The following TAF3 variants were observed in gnomAD, a reference collection of about 807,000 sequenced individuals.
The protein encoded by TAF3 is TATA-box binding protein associated factor 3, also known as transcription initiation factor TFIID subunit 3.
In TAF3, 7 loss-of-function variants were observed where a neutral mutation model predicts 80.6. The observed-to-expected ratio is 0.09, with a 90% CI of 0.05 to 0.16. The LOEUF (loss-of-function observed/expected upper bound fraction) is 0.16. Ranked by LOEUF, TAF3 falls within the 10% of genes least tolerant of loss-of-function variation. The pLI, the probability that TAF3 is intolerant of heterozygous loss-of-function variation, is 1.00. For missense variants in TAF3, 921 were observed against 1,140.2 expected (o/e 0.81, Z 2.77); for synonymous variants, 444 against 446.1 (o/e 1.00, Z 0.06).
At chr10:7,982,515 A>G (rs528711146) in intron 4 of TAF3, among the ~76,000 whole-genome samples, 3 of 151,966 alleles carry the variant, frequency 2.0e-5, no homozygotes, top group Non-Finnish European at 4.4e-5. Context: ...TCTCCGGCCT[A>G]AGCCTCCCAG....
At chr10:7,878,761 C>T (rs1837333519) in intron 2 of TAF3, among the ~76,000 whole-genome samples, 1 of 151,842 alleles carries the variant, frequency 6.6e-6, no homozygotes, top group African/African-American at 2.4e-5. Context: ...CAGAGTCTTG[C>T]TCTGTTGCTC....
At chr10:7,976,140 T>G (rs909669522) in intron 3 of TAF3, among the ~76,000 whole-genome samples, 2 of 152,228 alleles carry the variant, frequency 1.3e-5, no homozygotes, top group African/African-American at 4.8e-5. Flanking sequence ...TGTTCTCTTC[T>G]GACGAACAGG....
intron 2 of TAF3, among the ~76,000 whole-genome samples, chr10:7,928,978 A>G (rs1837841955): frequency 6.6e-6 from 1 of 152,178 alleles, no homozygotes; most frequent in Admixed American, 6.6e-5. Flanking sequence ...TACTGTTAGA[A>G]CTGGAGTCTT....
In TAF3 at chr10:7,824,355, A is replaced by C. The variant is rs768940315; in HGVS notation, c.204A>C (p.Glu68Asp). 1.2e-6 allele frequency: 2 copies of C among 1,614,066 alleles called. No homozygotes were observed. The highest frequency in any genetic ancestry group is 2.2e-5 in the East Asian group (1 of 44,878). The stretch of plus-strand genomic sequence containing the variant: ...ACCCAATTTTGGATGATGTTGGTGA[A>C]GCTTTCCAGCTGATGGGGGTTAGTC... ...RTDPILDDVGEAFQLMGVSLH... is the reference protein window; with the variant it reads ...RTDPILDDVGDAFQLMGVSLH... The change falls in exon 2 of 7, where the codon GAA becomes GAC. Residue 68 changes from glutamate to aspartate, a missense_variant. Physicochemically the swap from Glu to Asp is conservative, Grantham distance 45. This residue lies in a region of TAF3 where 106 missense variants were observed against 191.8 expected (regional missense o/e 0.55). Transcript: ENST00000344293.
At position 7,863,626 on chromosome 10, in the gene TAF3, A is replaced by ATATAT. The variant is rs1554778359; in HGVS notation, c.409+39066_409+39067insTATAT. Among the ~76,000 whole-genome samples, 104 of 48,088 alleles carry ATATAT rather than the reference A, an allele frequency of 2.2e-3. 10 individuals are homozygous for ATATAT. Among genetic ancestry groups the ATATAT allele is most frequent in the South Asian group, 0.013 (13 of 1,034 alleles). 31.5% of individuals were successfully genotyped at this position (48,088 alleles called of 152,430 possible). On this transcript the variant is annotated intron_variant, in intron 2 of 6. Coordinates refer to ENST00000344293, the MANE Select transcript of TAF3 (RefSeq NM_031923.4). ...CTCTGTCTAAAAAAAAAAAAAAAAA[A>ATATAT]ATATATATATATATATATATACACA... is the stretch of plus-strand genomic sequence containing the variant.
chr10:7,928,594 A>G lies in TAF3; in HGVS notation c.410-35326A>G, dbSNP rs565656860. 2.5e-4 allele frequency among the ~76,000 whole-genome samples: 38 copies of G among 152,306 alleles called. No individual in the cohort carries two copies. In the East Asian group the frequency reaches 6.2e-3, roughly 25 times the overall value. On this transcript the variant is annotated intron_variant, in intron 2 of 6. Coordinates refer to ENST00000344293, the MANE Select transcript of TAF3 (RefSeq NM_031923.4). ...TCCTAGGTGGGCCAGTGAAGCTTGT[A>G]GGATTGCCCTTGTGTTAATAACCAT...
intron 2 of TAF3, among the ~76,000 whole-genome samples, chr10:7,832,711 G>A (rs889523254): frequency 3.3e-5 from 5 of 151,942 alleles, no homozygotes; most frequent in Admixed American, 2.0e-4. Flanking sequence ...CACCACACCC[G>A]GCTAATTTTT....
intron 2 of TAF3, among the ~76,000 whole-genome samples, chr10:7,845,124 A>G (rs1836956667): frequency 6.6e-6 from 1 of 152,194 alleles, no homozygotes; most frequent in African/African-American, 2.4e-5. Context: ...CCAGTGTCCC[A>G]GCAGTCTCCC....
intron 2 of TAF3, among the ~76,000 whole-genome samples, chr10:7,858,645 T>G (rs950350190): frequency 1.3e-5 from 2 of 152,240 alleles, no homozygotes; most frequent in Non-Finnish European, 2.9e-5. Flanking sequence ...ATATATCTAC[T>G]GTTAATGAGA....
chr10:7,918,222 C>T (rs1197693031), intron 2 of TAF3, among the ~76,000 whole-genome samples: 5 of 151,756 alleles, frequency 3.3e-5, no homozygotes, highest in South Asian at 2.1e-4. Context: ...GGAGAAGGGG[C>T]GTGATGAAGG....
intron 2 of TAF3, among the ~76,000 whole-genome samples, chr10:7,892,817 T>C (rs2131164398): frequency 6.6e-6 from 1 of 151,028 alleles, no homozygotes; most frequent in South Asian, 2.1e-4. Context: ...CTTTTCTTTT[T>C]CTTTTTTTTT....
intron 5 of TAF3, 49 bp from the exon 6 acceptor site, chr10:8,013,679 GTTT>G: frequency 6.7e-7 from 1 of 1,494,368 alleles, no homozygotes; most frequent in South Asian, 1.1e-5. Context: ...GCCTCTTTTT[GTTT>G]TTTTTCCCAT....
At chr10:7,916,297 C>G (rs1837711686) in intron 2 of TAF3, among the ~76,000 whole-genome samples, 1 of 152,150 alleles carries the variant, frequency 6.6e-6, no homozygotes. Flanking sequence ...AAGTTGCATA[C>G]ATGCATAAAG....
chr10:8,005,163 T>C (rs969988069), intron 4 of TAF3, among the ~76,000 whole-genome samples: 3 of 152,240 alleles, frequency 2.0e-5, no homozygotes, highest in African/African-American at 7.2e-5. Context: ...TTTATTATTT[T>C]TTTAACATTG....
chr10:7,941,286 G>A (rs556247175), intron 2 of TAF3, among the ~76,000 whole-genome samples: 2 of 152,244 alleles, frequency 1.3e-5, no homozygotes, highest in Non-Finnish European at 2.9e-5. Context: ...GTTTGGCATC[G>A]AATAGGCATA....
chr10:7,821,072 T>C (rs990405444), intron 1 of TAF3, among the ~76,000 whole-genome samples: 1 of 152,208 alleles, frequency 6.6e-6, no homozygotes, highest in African/African-American at 2.4e-5. Flanking sequence ...GAGCTGCCAC[T>C]CTATGTGACT....
chr10:7,999,242 G>T (rs1831919493), intron 4 of TAF3, among the ~76,000 whole-genome samples: 2 of 152,128 alleles, frequency 1.3e-5, no homozygotes, highest in South Asian at 4.1e-4. Context: ...TTGAGCTGCT[G>T]TGTTTAATAC....
At chr10:7,859,858 T>A (rs1588527861) in intron 2 of TAF3, among the ~76,000 whole-genome samples, 1 of 152,376 alleles carries the variant, frequency 6.6e-6, no homozygotes, top group Non-Finnish European at 1.5e-5. Context: ...AATGGCCGTT[T>A]CCCAGATAAC....
chr10:7,960,453 G>C (rs987775224), intron 2 of TAF3, among the ~76,000 whole-genome samples: 1 of 152,184 alleles, frequency 6.6e-6, no homozygotes, highest in African/African-American at 2.4e-5. Flanking sequence ...GACCCCAAAG[G>C]GAGTACGTGG....
Sources: allele counts gnomAD v4.1 joint callset (sites outside exome capture counted in the v4.1 genomes callset), GRCh38; gene constraint gnomAD v4.1.1; regional missense constraint gnomAD v4.1.1; transcripts MANE v1.5; gene names NCBI Gene and HGNC (gene_info 2026-07-23, HGNC 2026-07-21).